The following NLRP14 variants were observed in gnomAD, a reference collection of about 807,000 sequenced individuals.
NLRP14 encodes NACHT, LRR and PYD domains-containing protein 14.
Under a neutral mutation model 94.7 loss-of-function variants are expected in NLRP14, and 105 were observed. The ratio of observed to expected loss-of-function variants is 1.11; its 90% CI spans 0.95 to 1.30. NLRP14 has a LOEUF of 1.30. Among genes scored for constraint, NLRP14 ranks in the 50% most tolerant of loss-of-function variants. NLRP14 has a pLI of 0.00. For missense variants in NLRP14, 1,362 were observed against 1,254.1 expected (o/e 1.09, Z -1.30); for synonymous variants, 508 against 459.9 (o/e 1.10, Z -1.34).
At chr11:7,039,887 C>G in intron 3 of NLRP14, 102 bp downstream of exon 3, 1 of 901,724 alleles carries the variant, frequency 1.1e-6, no homozygotes, top group Non-Finnish European at 1.9e-6. Context: ...TTGTTAACTT[C>G]TTCTAATACC....
At chr11:7,021,779 C>G (rs781246145) in intron 1 of NLRP14, among the ~76,000 whole-genome samples, 1 of 150,770 alleles carries the variant, frequency 6.6e-6, no homozygotes, top group Non-Finnish European at 1.5e-5. Context: ...CTATCAATTG[C>G]GGCTATTTAA....
intron 6 of NLRP14, among the ~76,000 whole-genome samples, chr11:7,050,686 T>C (rs780040787): frequency 5.9e-5 from 9 of 152,198 alleles, no homozygotes; most frequent in Non-Finnish European, 1.0e-4. Flanking sequence ...AATAAGACTT[T>C]CTTTGACGTT....
At chr11:7,055,770 T>C (rs1014306538) in intron 6 of NLRP14, among the ~76,000 whole-genome samples, 1 of 152,084 alleles carries the variant, frequency 6.6e-6, no homozygotes, top group Admixed American at 6.6e-5. Flanking sequence ...CTTATGGACC[T>C]ATACCAAATA....
rs962768790 is a variant in NLRP14, at chr11:7,040,326, G to A, written c.361+541G>A. On this transcript the variant is annotated intron_variant, in intron 3 of 11. Coordinates refer to ENST00000299481, the MANE Select transcript of NLRP14 (RefSeq NM_176822.4). ...ACGGGAGCTTTACCACCTGAGCTTCGCCTCCTGTCAGATCAGCAGCTGCTT... is the reference window on the plus strand; with the variant it reads ...ACGGGAGCTTTACCACCTGAGCTTCACCTCCTGTCAGATCAGCAGCTGCTT... Among the ~76,000 whole-genome samples, 7 of 152,276 alleles carry A rather than the reference G, an allele frequency of 4.6e-5. No homozygotes were observed. The East Asian group carries it at 9.7e-4, about 21-fold the overall frequency.
chr11:7,036,161 CA>C (rs1350253230), intron 1 of NLRP14, among the ~76,000 whole-genome samples: 1 of 152,158 alleles, frequency 6.6e-6, no homozygotes, highest in East Asian at 1.9e-4. Context: ...CAAAAATTTA[CA>C]TCAATAAATT....
chr11:7,064,585 A>C (rs191345031), intron 10 of NLRP14, among the ~76,000 whole-genome samples: 2 of 152,216 alleles, frequency 1.3e-5, no homozygotes, highest in East Asian at 3.9e-4. Context: ...AACTTCACCT[A>C]TTCTCCAATT....
chr11:7,038,756 A>G lies in NLRP14; in HGVS notation c.170A>G (p.Asp57Gly), dbSNP rs1852200017. Reference protein sequence around the residue: ...WNEVKKARREDLANLMKKYYP... With the variant: ...WNEVKKARREGLANLMKKYYP... ...GAAGTGAAGAAGGCCAGGCGGGAGG[A>G]CCTGGCCAATTTGATGAAGAAATAT... The change falls in exon 2 of 12, where the codon GAC (aspartate) becomes GGC (glycine). Residue 57 changes from aspartate (D) to glycine (G), a missense_variant. Physicochemically the swap from Asp to Gly is moderately conservative, Grantham distance 94 (BLOSUM62 -1). Transcript: ENST00000299481. The G allele has an allele frequency of 6.2e-7, 1 of 1,613,568 alleles. No homozygotes were observed. The highest frequency in any genetic ancestry group is 2.2e-5 in the East Asian group (1 of 44,880).
the NLRP14 span, among the ~76,000 whole-genome samples, chr11:7,079,752 G>C: frequency 2.0e-5 from 3 of 152,212 alleles, no homozygotes; most frequent in Non-Finnish European, 4.4e-5. Flanking sequence ...GCAAGGGCAA[G>C]AGCACATAGA....
At chr11:7,044,157 T>C (rs1163978594) in intron 4 of NLRP14, among the ~76,000 whole-genome samples, 173 bp downstream of exon 4, 1 of 152,176 alleles carries the variant, frequency 6.6e-6, no homozygotes, top group Admixed American at 6.5e-5. Context: ...CAATCATGGC[T>C]ACTGGTGAGG....
chr11:7,033,106 T>C (rs1852119420), intron 1 of NLRP14, among the ~76,000 whole-genome samples: 1 of 152,236 alleles, frequency 6.6e-6, no homozygotes, highest in Non-Finnish European at 1.5e-5. Flanking sequence ...TTTTCTTTGC[T>C]GTTTAGGATT....
At chr11:7,064,128 C>T (rs777171758) in intron 10 of NLRP14, among the ~76,000 whole-genome samples, 1 of 152,142 alleles carries the variant, frequency 6.6e-6, no homozygotes, top group Non-Finnish European at 1.5e-5. Flanking sequence ...GTAGCTTCCT[C>T]ATTCTCATAC....
rs368320987 is a variant in NLRP14, at chr11:7,071,352, A to G, written c.*44A>G. 9 of 1,508,838 alleles carry G rather than the reference A, an allele frequency of 6.0e-6. No homozygotes were observed. The highest frequency in any genetic ancestry group is 5.1e-5 in the Admixed American group (3 of 58,958). The allele number at this position is 1,508,838 out of a possible 1,614,324, so 93.5% of individuals were successfully genotyped here. On this transcript the variant is annotated 3_prime_UTR_variant, in exon 12 of 12. Transcript: ENST00000299481. ...CCTTTAAAAATATAAATATAAATACATACATACATAGATATATACCCAGAC... is the reference window on the plus strand; with the variant it reads ...CCTTTAAAAATATAAATATAAATACGTACATACATAGATATATACCCAGAC...
At chr11:7,072,066 C>G (rs1852809161), downstream of NLRP14, among the ~76,000 whole-genome samples, 1 of 152,142 alleles carries the variant, frequency 6.6e-6, no homozygotes, top group African/African-American at 2.4e-5. Flanking sequence ...AAAGACTGTT[C>G]TGGTTATTTA....
chr11:7,070,826 G>T (rs952274543), intron 11 of NLRP14, among the ~76,000 whole-genome samples: 1 of 152,188 alleles, frequency 6.6e-6, no homozygotes, highest in South Asian at 2.1e-4. Context: ...TAAGTACTTA[G>T]AATGGTGCCT....
At chr11:7,046,209 T>A (rs539953563) in intron 4 of NLRP14, among the ~76,000 whole-genome samples, 1 of 152,220 alleles carries the variant, frequency 6.6e-6, no homozygotes, top group African/African-American at 2.4e-5. Flanking sequence ...ATAGAACTTA[T>A]GCAACTCTCT....
At chr11:7,023,138 T>A (rs1310604213) in intron 1 of NLRP14, among the ~76,000 whole-genome samples, 1 of 151,484 alleles carries the variant, frequency 6.6e-6, no homozygotes, top group South Asian at 2.1e-4. Flanking sequence ...AAATTGAGAA[T>A]GTAATAGGTG....
Position 7,046,807 on chromosome 11 carries a change from C to T in NLRP14, c.2098C>T (p.Pro700Ser). 3 of 1,613,414 alleles carry T rather than the reference C, an allele frequency of 1.9e-6. No homozygotes were observed. The highest frequency in any genetic ancestry group is 2.5e-6 in the Non-Finnish European group (3 of 1,179,484). ...TATCCTGCATCATGAACTAAGGCAC[C>T]CAAACTGTAAACTACAAAAGCTACT... ...MNILHHELRH[P>S]NCKLQKLLLK... The change falls in exon 5 of 12, where the codon CCA (proline) becomes TCA (serine). Residue 700 changes from proline (P) to serine (S), a missense_variant. Pro to Ser is a moderately conservative substitution (Grantham distance 74). Coordinates refer to ENST00000299481, the MANE Select transcript of NLRP14 (RefSeq NM_176822.4).
At chr11:7,090,362 T>G in the NLRP14 span, 7 of 1,515,980 alleles carry the variant, frequency 4.6e-6, no homozygotes, top group African/African-American at 2.8e-5. Context: ...AAGAACCTGT[T>G]GTATGGTAAC....
chr11:7,030,362 G>C (rs1347955531), intron 1 of NLRP14, among the ~76,000 whole-genome samples: 1 of 152,150 alleles, frequency 6.6e-6, no homozygotes, highest in Non-Finnish European at 1.5e-5. Context: ...TAAATATATC[G>C]AGTAGGCTCT....
Sources: allele counts gnomAD v4.1 joint callset (sites outside exome capture counted in the v4.1 genomes callset), GRCh38; gene constraint gnomAD v4.1.1; transcripts MANE v1.5; gene names NCBI Gene and HGNC (gene_info 2026-07-23, HGNC 2026-07-21).